Variants in FBXW8 observed in about 807,000 individuals in gnomAD.
FBXW8 encodes F-box/WD repeat-containing protein 8.
Under a neutral mutation model 65.3 loss-of-function variants are expected in FBXW8, and 57 were observed. The ratio of observed to expected loss-of-function variants is 0.87; its 90% CI spans 0.71 to 1.09. FBXW8 has a LOEUF of 1.09. FBXW8 is among the 50% of genes least tolerant of loss of function. The pLI is 0.00. For synonymous variants in FBXW8, 308 were observed against 330.2 expected, an observed-to-expected ratio of 0.93 and a Z score of 0.73; for missense variants, 777 against 814.8, an observed-to-expected ratio of 0.95 and a Z score of 0.57.
At chr12:116,914,420 A>C (rs375255308) in intron 1 of FBXW8, among the ~76,000 whole-genome samples, 1 of 151,518 alleles carries the variant, frequency 6.6e-6, no homozygotes, top group Admixed American at 6.6e-5. Flanking sequence ...CCATCTCTAC[A>C]AAAATTGGCC....
In FBXW8 at chr12:117,024,058, A is replaced by T. The variant is rs916174552; in HGVS notation, c.1368-89A>T. 3.1e-5 allele frequency: 43 copies of T among 1,403,434 alleles called. No individual in the cohort carries two copies. In the African/African-American group the frequency reaches 5.0e-4, roughly 16 times the overall value. 86.9% of individuals were successfully genotyped at this position (1,403,434 alleles called of 1,614,324 possible). ...GGAGTTTTTCATAGCAGTGTTGTGCATAGACCAGCACCGTGGAGGGGGAGT... is the reference window on the plus strand; with the variant it reads ...GGAGTTTTTCATAGCAGTGTTGTGCTTAGACCAGCACCGTGGAGGGGGAGT... On this transcript the variant is annotated intron_variant, in intron 8 of 10. Coordinates refer to ENST00000652555, the MANE Select transcript of FBXW8 (RefSeq NM_153348.3).
intron 7 of FBXW8, among the ~76,000 whole-genome samples, chr12:116,993,822 T>C (rs1482238552): frequency 1.3e-5 from 2 of 152,240 alleles, no homozygotes; most frequent in African/African-American, 4.8e-5. Context: ...CCTAGGCCAA[T>C]GTCCAGAAGA....
chr12:116,966,059 G>A (rs1208121633), intron 5 of FBXW8, among the ~76,000 whole-genome samples: 2 of 151,738 alleles, frequency 1.3e-5, no homozygotes, highest in African/African-American at 4.8e-5. Flanking sequence ...CACTGCACCT[G>A]GCCTTGAAAA....
intron 8 of FBXW8, among the ~76,000 whole-genome samples, chr12:117,022,867 A>T (rs559050214): frequency 5.3e-4 from 80 of 152,140 alleles, no homozygotes; most frequent in Non-Finnish European, 1.0e-3. Context: ...CATGCATAGC[A>T]TATATTTTTA....
rs770239908 is a variant in FBXW8 at position 117,024,188 on chromosome 12, C to T, written c.1409C>T (p.Ser470Leu). 1.8e-5 allele frequency: 29 copies of T among 1,614,054 alleles called. No homozygotes were observed. The highest frequency in any genetic ancestry group is 1.8e-4 in the South Asian group (16 of 91,086). Reference sequence around the variant, plus strand: ...CTCCGCAGTGGTAACATCGCCCTGTCGCTCTCCGCCCATCAGCTCAGGGTC... The same window carrying T: ...CTCCGCAGTGGTAACATCGCCCTGTTGCTCTCCGCCCATCAGCTCAGGGTC... ...HDLRSGNIAL[S>L]LSAHQLRVSA... The change falls in exon 9 of 11, where the codon TCG (serine) becomes TTG (leucine). Residue 470 changes from serine to leucine, a missense_variant. Physicochemically the swap from Ser to Leu is moderately radical, Grantham distance 145 (BLOSUM62 -2). Coordinates refer to ENST00000652555, the MANE Select transcript of FBXW8 (RefSeq NM_153348.3).
rs189641321 is a variant in FBXW8, at chr12:116,959,825, G to A, written c.678-4872G>A. Among the ~76,000 whole-genome samples, 401 of 152,252 alleles carry A rather than the reference G, an allele frequency of 2.6e-3. 1 individual carries two copies. The highest frequency in any genetic ancestry group is 8.0e-3 in the African/African-American group (333 of 41,548). On this transcript the variant is annotated intron_variant, in intron 4 of 10. Coordinates refer to ENST00000652555, the MANE Select transcript of FBXW8 (RefSeq NM_153348.3). Reference sequence around the variant, plus strand: ...TGGTCTCTGACCTATTTATTTAGAGGTAAACTCAACCTTGCCAAGTGTAGA... The same window carrying A: ...TGGTCTCTGACCTATTTATTTAGAGATAAACTCAACCTTGCCAAGTGTAGA...
chr12:117,010,117 C>G (rs1194938552), intron 7 of FBXW8, among the ~76,000 whole-genome samples: 1 of 152,226 alleles, frequency 6.6e-6, no homozygotes, highest in South Asian at 2.1e-4. Context: ...TTCCTTCTCT[C>G]TTCCTTTGCA....
In FBXW8 at chr12:116,976,478, C is replaced by CA. The variant is rs1336219269; in HGVS notation, c.836-8727dup. Among the ~76,000 whole-genome samples, 8 of 82,984 alleles carry CA rather than the reference C, an allele frequency of 9.6e-5. No homozygotes were observed. The Admixed American group carries it at 1.3e-3, about 14-fold the overall frequency. The allele number at this position is 82,984 out of a possible 152,430, so 54.4% of individuals were successfully genotyped here. On this transcript the variant is annotated intron_variant, in intron 5 of 10. Coordinates refer to ENST00000652555, the MANE Select transcript of FBXW8 (RefSeq NM_153348.3). The stretch of plus-strand genomic sequence containing the variant: ...TTTTTTTTTTTTTTTTTTTTCAAAA[C>CA]AGAGTCTCACTCTGTTGCCCAGGCT...
chr12:117,005,965 C>G (rs4767494), intron 7 of FBXW8, among the ~76,000 whole-genome samples: 10,734 of 152,314 alleles, frequency 0.07, 514 homozygotes, highest in Middle Eastern at 0.1. Flanking sequence ...TAACCTTTGG[C>G]TCTCTTTGCC....
At chr12:116,956,459 G>A (rs923948686) in intron 4 of FBXW8, among the ~76,000 whole-genome samples, 1 of 152,178 alleles carries the variant, frequency 6.6e-6, no homozygotes, top group East Asian at 1.9e-4. Flanking sequence ...GACATGGCCT[G>A]ATTCAAATAT....
intron 4 of FBXW8, among the ~76,000 whole-genome samples, chr12:116,954,567 A>C (rs1198627625): frequency 1.3e-5 from 2 of 152,342 alleles, no homozygotes; most frequent in Non-Finnish European, 2.9e-5. Context: ...GATTAGACAC[A>C]TGCTACTGTA....
intron 6 of FBXW8, 52 bp downstream of exon 6, chr12:116,985,454 C>A: frequency 6.4e-7 from 1 of 1,563,876 alleles, no homozygotes; most frequent in South Asian, 1.2e-5. Flanking sequence ...ATCTCTGGGT[C>A]TAATGTAAGC....
intron 2 of FBXW8, among the ~76,000 whole-genome samples, chr12:116,934,842 A>G (rs966500922): frequency 2.0e-5 from 3 of 152,188 alleles, no homozygotes; most frequent in African/African-American, 7.2e-5. Context: ...ACATGGATGT[A>G]GATTTGTGTG....
In FBXW8 at chr12:116,961,030, T is replaced by C. The variant is rs1444134220; in HGVS notation, c.678-3667T>C. On this transcript the variant is annotated intron_variant, in intron 4 of 10. Transcript: ENST00000652555. The surrounding 1 kb of genome is among the most constrained non-coding windows in gnomAD (Gnocchi z 4.4). ...TCTATCCCCAAATGGTCAGATTTAT[T>C]TGGTCTGGGAGGCTGGAATGCAGTG... is the stretch of plus-strand genomic sequence containing the variant. 1.3e-5 allele frequency among the ~76,000 whole-genome samples: 2 copies of C among 152,118 alleles called. No individual in the cohort carries two copies. Among genetic ancestry groups the C allele is most frequent in the Non-Finnish European group, 2.9e-5 (2 of 68,010 alleles).
intron 8 of FBXW8, among the ~76,000 whole-genome samples, chr12:117,023,101 C>A (rs1356818695): frequency 6.6e-6 from 1 of 152,166 alleles, no homozygotes; most frequent in Non-Finnish European, 1.5e-5. Context: ...CACTTGGTAG[C>A]TAAGCTAGGT....
chr12:116,911,095 G>T lies in FBXW8; in HGVS notation c.58G>T (p.Ala20Ser). 7.0e-7 allele frequency: 1 copy of T among 1,422,050 alleles called. No homozygotes were observed. Among genetic ancestry groups the T allele is most frequent in the South Asian group, 1.5e-5 (1 of 67,626 alleles). 88.1% of individuals were successfully genotyped at this position (1,422,050 alleles called of 1,614,324 possible). Reference sequence around the variant, plus strand: ...GCGCTGGCAGGAGGAGCTGGCGCAGGCCCAGGCGCCGAAGAAGCGGCGACG... The same window carrying T: ...GCGCTGGCAGGAGGAGCTGGCGCAGTCCCAGGCGCCGAAGAAGCGGCGACG... ...RRRWQEELAQ[A>S]QAPKKRRRPE... The change falls in exon 1 of 11, where the codon GCC (alanine) becomes TCC (serine). Residue 20 changes from alanine (A) to serine (S), a missense_variant. Ala to Ser is a moderately conservative substitution (Grantham distance 99, BLOSUM62 1). Coordinates refer to ENST00000652555, the MANE Select transcript of FBXW8 (RefSeq NM_153348.3).
Position 117,028,728 on chromosome 12 carries a change from A to G in FBXW8, c.*556A>G, listed in dbSNP as rs938659394. On this transcript the variant is annotated 3_prime_UTR_variant, in exon 11 of 11. Transcript: ENST00000652555. The surrounding 1 kb of genome is among the most constrained non-coding windows in gnomAD (Gnocchi z 4.1). ...GTACTTTTTCTTCACAGCTTTTACC[A>G]TGGTTTATAATTATATACTTATACA... 1.3e-5 allele frequency: 2 copies of G among 155,998 alleles called. No individual in the cohort carries two copies. Among genetic ancestry groups the G allele is most frequent in the African/African-American group, 4.8e-5 (2 of 41,404 alleles). 9.7% of individuals were successfully genotyped at this position (155,998 alleles called of 1,614,324 possible).
chr12:117,027,901 G>C, intron 10 of FBXW8, 127 bp from the exon 11 acceptor site: 1 of 1,282,220 alleles, frequency 7.8e-7, no homozygotes, highest in Non-Finnish European at 1.1e-6. Flanking sequence ...TGTGTGCCCA[G>C]AGAACGCGTT....
At chr12:116,914,144 A>G (rs574842772) in intron 1 of FBXW8, among the ~76,000 whole-genome samples, 33 of 152,076 alleles carry the variant, frequency 2.2e-4, no homozygotes, top group African/African-American at 7.2e-4. Context: ...GTGGTGGTGC[A>G]CCCCTTTAGT....
Sources: allele counts gnomAD v4.1 joint callset (sites outside exome capture counted in the v4.1 genomes callset), GRCh38; gene constraint gnomAD v4.1.1; non-coding constraint Gnocchi (gnomAD v3.1); transcripts MANE v1.5; gene names NCBI Gene and HGNC (gene_info 2026-07-23, HGNC 2026-07-21).